Variants in SH3RF3 observed in about 807,000 individuals in gnomAD.
SH3RF3 encodes the protein E3 ubiquitin-protein ligase SH3RF3.
In SH3RF3, 29 loss-of-function variants were observed where a neutral mutation model predicts 66.3. That is an observed-to-expected ratio of 0.44 (90% CI 0.33 to 0.60). The LOEUF (loss-of-function observed/expected upper bound fraction) is 0.60, where lower values mean the gene tolerates loss of function less well. SH3RF3 is among the 20% of genes least tolerant of loss of function. SH3RF3 has a pLI of 0.04. For synonymous variants in SH3RF3, 583 were observed against 532.0 expected, an observed-to-expected ratio of 1.10 and a Z score of -1.32; for missense variants, 1,194 against 1,190.9, an observed-to-expected ratio of 1.00 and a Z score of -0.04.
chr2:109,161,092 C>G (rs1677476806), intron 1 of SH3RF3, among the ~76,000 whole-genome samples: 1 of 152,168 alleles, frequency 6.6e-6, no homozygotes. Context: ...ATCGACTGTT[C>G]ATTTAGAAGA....
chr2:109,153,063 G>A (rs1216177733), intron 1 of SH3RF3, among the ~76,000 whole-genome samples: 3 of 152,182 alleles, frequency 2.0e-5, no homozygotes, highest in African/African-American at 7.2e-5. Context: ...GGGACCATCT[G>A]CAAAGACAAG....
chr2:109,294,130 A>G (rs554082222), intron 1 of SH3RF3, among the ~76,000 whole-genome samples: 10 of 152,278 alleles, frequency 6.6e-5, no homozygotes, highest in Admixed American at 6.5e-4. Context: ...GGGCCCCTCC[A>G]TGTAATCAGT....
chr2:109,240,419 C>T (rs369608008), intron 1 of SH3RF3, among the ~76,000 whole-genome samples: 4 of 152,138 alleles, frequency 2.6e-5, no homozygotes, highest in South Asian at 2.1e-4. Flanking sequence ...ACCTGGGAGG[C>T]GGAGCTTGCA....
At chr2:109,341,551 A>G (rs1478712276) in intron 1 of SH3RF3, among the ~76,000 whole-genome samples, 4 of 152,226 alleles carry the variant, frequency 2.6e-5, no homozygotes, top group Non-Finnish European at 4.4e-5. Flanking sequence ...TCAGAATATA[A>G]GCTGAGCTGT....
chr2:109,449,441 C>T lies in SH3RF3; in HGVS notation c.2100C>T (p.Ser700=), dbSNP rs1677805615. The change falls in exon 8 of 10, where the codon TCC becomes TCT. Residue 700 remains serine, a synonymous_variant. Coordinates refer to ENST00000309415, the MANE Select transcript of SH3RF3 (RefSeq NM_001099289.3). ...GGGPIGVLST[S]SPTNTGCKLD... ...GGCCCATCGGTGTTCTGTCCACATC[C>T]AGCCCCACCAACACGGGATGCAAAC... 3 of 1,613,902 alleles carry T rather than the reference C, an allele frequency of 1.9e-6. No homozygotes were observed. The highest frequency in any genetic ancestry group is 1.3e-5 in the African/African-American group (1 of 74,936).
At chr2:109,495,477 CTTTTTTTTTTT>C (rs569509984) in intron 9 of SH3RF3, among the ~76,000 whole-genome samples, 1,055 of 94,214 alleles carry the variant, frequency 0.011, 7 homozygotes, top group Non-Finnish European at 0.012. Flanking sequence ...TCTTTCATTC[CTTTTTTTTTTT>C]TTTTTTTTTT....
At chr2:109,140,454 C>A (rs1676920178) in intron 1 of SH3RF3, among the ~76,000 whole-genome samples, 1 of 151,968 alleles carries the variant, frequency 6.6e-6, no homozygotes, top group African/African-American at 2.4e-5. Context: ...GATCTTGGCT[C>A]ACTGCAGGCT....
intron 5 of SH3RF3, among the ~76,000 whole-genome samples, chr2:109,429,238 C>T (rs1677122463): frequency 6.6e-6 from 1 of 152,158 alleles, no homozygotes; most frequent in Non-Finnish European, 1.5e-5. Flanking sequence ...CCAAGGCCCA[C>T]CCAACACGAG....
chr2:109,165,612 CTCTGCCTT>C (rs1677601298), intron 1 of SH3RF3, among the ~76,000 whole-genome samples: 1 of 152,202 alleles, frequency 6.6e-6, no homozygotes, highest in Admixed American at 6.5e-5. Flanking sequence ...ACATTGCCAA[CTCTGCCTT>C]AGAGCACTGT....
chr2:109,471,366 C>T (rs574825761), intron 8 of SH3RF3, among the ~76,000 whole-genome samples: 11 of 152,164 alleles, frequency 7.2e-5, no homozygotes, highest in South Asian at 4.2e-4. Flanking sequence ...CTTCACAAGG[C>T]GGCAGGAGAG....
intron 4 of SH3RF3, among the ~76,000 whole-genome samples, chr2:109,403,703 C>T (rs1323139555): frequency 2.6e-5 from 4 of 152,194 alleles, no homozygotes; most frequent in African/African-American, 9.7e-5. Context: ...CTCCCTCTCT[C>T]TAGCTGTGTC....
At chr2:109,147,831 G>A (rs1204953756) in intron 1 of SH3RF3, among the ~76,000 whole-genome samples, 1 of 152,176 alleles carries the variant, frequency 6.6e-6, no homozygotes, top group Non-Finnish European at 1.5e-5. Flanking sequence ...AATAACTCCT[G>A]TAGATGAGTA....
intron 6 of SH3RF3, among the ~76,000 whole-genome samples, chr2:109,434,237 C>T (rs1386119282): frequency 1.3e-5 from 2 of 152,238 alleles, no homozygotes; most frequent in East Asian, 1.9e-4. Flanking sequence ...TGGGCTCGCC[C>T]GCCCTGCTGG....
chr2:109,411,159 C>T (rs1247955195), intron 4 of SH3RF3, among the ~76,000 whole-genome samples: 1 of 152,204 alleles, frequency 6.6e-6, no homozygotes, highest in Non-Finnish European at 1.5e-5. Flanking sequence ...TCACAGTCAG[C>T]AACTCTCAAC....
intron 1 of SH3RF3, among the ~76,000 whole-genome samples, chr2:109,155,360 G>T (rs866978332): frequency 6.6e-6 from 1 of 152,178 alleles, no homozygotes; most frequent in Non-Finnish European, 1.5e-5. Context: ...GAATGCAGTG[G>T]TGGGATCTTG....
chr2:109,360,099 A>G (rs1414872169), intron 2 of SH3RF3, among the ~76,000 whole-genome samples: 2 of 150,456 alleles, frequency 1.3e-5, no homozygotes, highest in East Asian at 3.9e-4. Flanking sequence ...CTTACCTTTT[A>G]ATCAAAGCAC....
Position 109,398,610 on chromosome 2 carries a change from G to A in SH3RF3, c.966G>A (p.Gln322=). 1.9e-6 allele frequency: 3 copies of A among 1,580,090 alleles called. No homozygotes were observed. The highest frequency in any genetic ancestry group is 2.3e-5 in the South Asian group (2 of 86,362). ...CTCAGCTCAATGACTCCGCCAAGCA[G>A]CTCATTGAGATGGACAAGCCATGCC... is the stretch of plus-strand genomic sequence containing the variant. ...LYVELNDSAK[Q]LIEMDKPCPA... The change falls in exon 4 of 10, where the codon CAG becomes CAA. Residue 322 remains glutamine (Q), a synonymous_variant. Coordinates refer to ENST00000309415, the MANE Select transcript of SH3RF3 (RefSeq NM_001099289.3).
At chr2:109,444,777 G>A (rs1677661723) in intron 7 of SH3RF3, among the ~76,000 whole-genome samples, 1 of 152,104 alleles carries the variant, frequency 6.6e-6, no homozygotes, top group Non-Finnish European at 1.5e-5. Context: ...AGGGTGAGCT[G>A]GCACATTAAG....
rs377369822 is a variant in SH3RF3 at position 109,366,469 on chromosome 2, AATGT to A, written c.850-5112_850-5109del. On this transcript the variant is annotated intron_variant, in intron 2 of 9. Coordinates refer to ENST00000309415, the MANE Select transcript of SH3RF3 (RefSeq NM_001099289.3). Reference sequence around the variant, plus strand: ...CATTTATATCTTTCTAAAAGGCATGAATGTATGTGTGCATATATACGTTTATGCA... The same window carrying A: ...CATTTATATCTTTCTAAAAGGCATGAATGTGTGCATATATACGTTTATGCA... Among the ~76,000 whole-genome samples the A allele has an allele frequency of 2.2e-4, 33 of 148,790 alleles. No homozygotes were observed. The East Asian group carries it at 6.2e-3, about 28-fold the overall frequency.
Sources: gnomAD v4.1 joint callset for allele counts (sites outside exome capture counted in the v4.1 genomes callset) on GRCh38, gnomAD v4.1.1 for gene constraint, MANE v1.5 for transcripts, NCBI Gene and HGNC (gene_info 2026-07-23, HGNC 2026-07-21) for gene names.